LYN: variants seen among roughly 807,000 people sequenced by gnomAD.
LYN encodes the protein LYN proto-oncogene, Src family tyrosine kinase.
LYN carries 12 observed loss-of-function variants against 65.0 expected under a neutral mutation model. The ratio of observed to expected loss-of-function variants is 0.18; its 90% CI spans 0.12 to 0.30. The LOEUF (loss-of-function observed/expected upper bound fraction) is 0.30. LYN is among the 10% of genes least tolerant of loss of function. The probability of loss-of-function intolerance (pLI) is 1.00; values close to 1 mark genes in which losing one functional copy is unlikely to be tolerated. For synonymous variants in LYN, 222 were observed against 221.2 expected, an observed-to-expected ratio of 1.00 and a Z score of -0.03; for missense variants, 380 against 623.2, an observed-to-expected ratio of 0.61 and a Z score of 4.16.
chr8:55,904,488 C>T (rs1000031811), intron 1 of LYN, among the ~76,000 whole-genome samples: 3 of 152,070 alleles, frequency 2.0e-5, no homozygotes, highest in African/African-American at 2.4e-5. Flanking sequence ...GTTAGGTTGG[C>T]AGTGGATAAA....
chr8:55,946,417 A>AT (rs761466016), intron 2 of LYN, 31 bp from the exon 3 acceptor site: 807 of 1,496,616 alleles, frequency 5.4e-4, no homozygotes, highest in Non-Finnish European at 6.6e-4. Context: ...GCTAAACAGA[A>AT]TTTTTTTTTC....
chr8:55,967,004 C>T (rs1807478985), intron 9 of LYN, 107 bp downstream of exon 9: 1 of 1,018,098 alleles, frequency 9.8e-7, no homozygotes, highest in Admixed American at 3.0e-5. Context: ...AACAGTATAC[C>T]CACTACCGAA....
intron 10 of LYN, among the ~76,000 whole-genome samples, chr8:55,998,055 G>C (rs888732605): frequency 5.3e-5 from 8 of 152,182 alleles, no homozygotes; most frequent in Non-Finnish European, 7.4e-5. Flanking sequence ...CTGCACTCCG[G>C]CCTGGGTGAA....
chr8:55,950,710 A>G lies in LYN; in HGVS notation c.413A>G (p.Asp138Gly), dbSNP rs1479195262. 1 of 1,613,930 alleles carries G rather than the reference A, an allele frequency of 6.2e-7. No homozygotes were observed. Among genetic ancestry groups the G allele is most frequent in the Non-Finnish European group, 8.5e-7 (1 of 1,179,874 alleles). Residue 138 changes from aspartate (D) to glycine (G), a missense_variant, in exon 6 of 13, where the codon GAC (aspartate) becomes GGC (glycine). By Grantham distance (94) the Asp-to-Gly change is moderately conservative. Transcript: ENST00000519728. Reference protein sequence around the residue: ...EWFFKDITRKDAERQLLAPGN... With the variant: ...EWFFKDITRKGAERQLLAPGN... ...TTTTTCAAGGATATAACCAGGAAGGACGCAGAAAGGCAGCTTTTGGCACCA... is the reference window on the plus strand; with the variant it reads ...TTTTTCAAGGATATAACCAGGAAGGGCGCAGAAAGGCAGCTTTTGGCACCA...
intron 12 of LYN, among the ~76,000 whole-genome samples, chr8:56,000,727 CAAAAAAAAAAAAAA>C (rs1043054300): frequency 2.1e-5 from 1 of 46,832 alleles, no homozygotes; most frequent in Non-Finnish European, 4.1e-5. Context: ...GACTCTGTCT[CAAAAAAAAAAAAAA>C]AAAAAAAAAA....
At chr8:55,907,737 A>G (rs1805470069) in intron 1 of LYN, among the ~76,000 whole-genome samples, 1 of 152,068 alleles carries the variant, frequency 6.6e-6, no homozygotes, top group Non-Finnish European at 1.5e-5. Flanking sequence ...GTGGTGGTGC[A>G]CGCCTGTGGT....
chr8:55,908,808 T>A (rs1805502192), intron 1 of LYN, among the ~76,000 whole-genome samples: 1 of 151,884 alleles, frequency 6.6e-6, no homozygotes, highest in Admixed American at 6.6e-5. Context: ...GTGTGCAGAT[T>A]ATTTAGCTCC....
chr8:55,965,367 G>T (rs371676612), intron 8 of LYN, among the ~76,000 whole-genome samples: 66 of 152,310 alleles, frequency 4.3e-4, no homozygotes, highest in Non-Finnish European at 7.9e-4. Flanking sequence ...TCTCCTGGGT[G>T]GGGGAGGAGT....
intron 1 of LYN, among the ~76,000 whole-genome samples, chr8:55,887,668 G>GGTGTGAT (rs535677149): frequency 6.7e-6 from 1 of 150,244 alleles, no homozygotes; most frequent in South Asian, 2.1e-4. Context: ...GGACTGTGAT[G>GGTGTGAT]GTGTGATCTC....
intron 1 of LYN, among the ~76,000 whole-genome samples, chr8:55,931,367 C>T (rs996213923): frequency 6.0e-5 from 9 of 150,112 alleles, no homozygotes; most frequent in Non-Finnish European, 1.3e-4. Context: ...CAATGGAAAA[C>T]ATTTTTAAAA....
chr8:55,909,973 TTGTGTG>T (rs60104644), intron 1 of LYN, among the ~76,000 whole-genome samples: 10 of 145,904 alleles, frequency 6.9e-5, no homozygotes, highest in East Asian at 2.0e-4. Context: ...ATGGGGTTGT[TTGTGTG>T]TGTGTGTGTG....
At chr8:55,955,115 G>A (rs749187406) in intron 8 of LYN, 8 of 152,220 alleles carry the variant, frequency 5.3e-5, no homozygotes, top group Non-Finnish European at 4.4e-5. Context: ...AGCCCCGGCA[G>A]AACAGAAGCT....
At chr8:55,909,993 CTTTTT>C (rs56923750) in intron 1 of LYN, among the ~76,000 whole-genome samples, 95,457 of 138,066 alleles carry the variant, frequency 0.69, 32,061 homozygotes, top group East Asian at 0.95. Context: ...GTGTGTGTGT[CTTTTT>C]TTTTTTTTTT....
intron 11 of LYN, among the ~76,000 whole-genome samples, chr8:55,998,791 T>C (rs1481680316): frequency 1.3e-5 from 2 of 152,260 alleles, no homozygotes; most frequent in Non-Finnish European, 2.9e-5. Context: ...GTTTATTTTG[T>C]ATTGTTAAAG....
In LYN at chr8:56,012,918, C is replaced by G. The variant is rs942081543; in HGVS notation, c.*2808C>G. 2.6e-5 allele frequency: 4 copies of G among 152,170 alleles called. No homozygotes were observed. The highest frequency in any genetic ancestry group is 9.7e-5 in the African/African-American group (4 of 41,438). The allele number at this position is 152,170 out of a possible 1,614,324, so 9.4% of individuals were successfully genotyped here. A position where few individuals can be genotyped will look rare whatever the true frequency, so the allele number is the denominator to read the frequency against. ...TCCTTCCTGGTGAACATGAAGCTCA[C>G]TGAACCTAAAGGAGACTCACAGGCT... is the stretch of plus-strand genomic sequence containing the variant. On this transcript the variant is annotated 3_prime_UTR_variant, in exon 13 of 13. Coordinates refer to ENST00000519728, the MANE Select transcript of LYN (RefSeq NM_002350.4).
At chr8:55,917,005 C>T (rs1047923646) in intron 1 of LYN, among the ~76,000 whole-genome samples, 4 of 151,756 alleles carry the variant, frequency 2.6e-5, no homozygotes, top group African/African-American at 9.7e-5. Flanking sequence ...GGTGAAACCC[C>T]GTCTCTACTA....
chr8:55,963,076 T>C (rs1031574112), intron 8 of LYN, among the ~76,000 whole-genome samples: 4 of 152,154 alleles, frequency 2.6e-5, no homozygotes, highest in African/African-American at 9.7e-5. Context: ...CCTCCAACAC[T>C]GGGGATCAAA....
intron 10 of LYN, among the ~76,000 whole-genome samples, chr8:55,976,091 T>C (rs1426728300): frequency 6.6e-6 from 1 of 152,048 alleles, no homozygotes; most frequent in Non-Finnish European, 1.5e-5. Flanking sequence ...CTTGCAGGGC[T>C]AGAATTCAAC....
At chr8:55,958,679 C>A (rs1207914152) in intron 8 of LYN, among the ~76,000 whole-genome samples, 2 of 152,200 alleles carry the variant, frequency 1.3e-5, no homozygotes, top group Non-Finnish European at 2.9e-5. Flanking sequence ...AATTTGACTA[C>A]CTTAGGTACC....
Sources: allele counts gnomAD v4.1 joint callset (sites outside exome capture counted in the v4.1 genomes callset), GRCh38; gene constraint gnomAD v4.1.1; transcripts MANE v1.5; gene names NCBI Gene and HGNC (gene_info 2026-07-23, HGNC 2026-07-21).